CDYL2: variants seen among roughly 807,000 people sequenced by gnomAD.
CDYL2 encodes chromodomain Y-like protein 2.
A neutral mutation model predicts 49.4 loss-of-function variants in CDYL2; 23 were observed. The observed-to-expected ratio is 0.47, with a 90% CI of 0.34 to 0.66. CDYL2 has a LOEUF of 0.66. Among genes scored for constraint, CDYL2 ranks in the 30% least tolerant of loss-of-function variants. CDYL2 has a pLI of 0.01. For synonymous variants in CDYL2, 360 were observed against 268.8 expected (o/e 1.34, Z -3.32); for missense variants, 678 against 656.4 (o/e 1.03, Z -0.36).
chr16:80,739,605 G>C (rs1041618950), intron 1 of CDYL2, among the ~76,000 whole-genome samples: 1 of 152,154 alleles, frequency 6.6e-6, no homozygotes, highest in African/African-American at 2.4e-5. Flanking sequence ...CAGCACACCA[G>C]AGAGACCCTA....
At chr16:80,725,362 C>T (rs754368823) in intron 1 of CDYL2, among the ~76,000 whole-genome samples, 135 of 152,164 alleles carry the variant, frequency 8.9e-4, no homozygotes, top group Non-Finnish European at 1.8e-3. Context: ...CTTTACAACA[C>T]TTATTGCAAC....
Position 80,612,798 on chromosome 16 carries a change from A to G in CDYL2, c.1046T>C (p.Ile349Thr). 2 of 1,613,834 alleles carry G rather than the reference A, an allele frequency of 1.2e-6. No individual in the cohort carries two copies. Among genetic ancestry groups the G allele is most frequent in the South Asian group, 1.1e-5 (1 of 91,068 alleles). Reference sequence around the variant, plus strand: ...GGCCGGCCCATTGATGGCCACCACGATAGGCTTCTTAAACTGGATAAAGGC... The same window carrying G: ...GGCCGGCCCATTGATGGCCACCACGGTAGGCTTCTTAAACTGGATAAAGGC... ...VKAFIQFKKPIVVAINGPALG... is the reference protein window; with the variant it reads ...VKAFIQFKKPTVVAINGPALG... Residue 349 changes from isoleucine to threonine, a missense_variant, in exon 5 of 7, where the codon ATC (isoleucine) becomes ACC (threonine). By Grantham distance (89) the Ile-to-Thr change is moderately conservative (BLOSUM62 -1). Coordinates refer to ENST00000570137, the MANE Select transcript of CDYL2 (RefSeq NM_152342.4). This position sits in a 1 kb window ranked among gnomAD's most constrained non-coding sequence, Gnocchi z 5.0.
At chr16:80,749,433 C>T (rs1050849215) in intron 1 of CDYL2, among the ~76,000 whole-genome samples, 2 of 152,138 alleles carry the variant, frequency 1.3e-5, no homozygotes, top group Non-Finnish European at 2.9e-5. Context: ...TCCTAGTCCA[C>T]TAGAAATACT....
intron 1 of CDYL2, among the ~76,000 whole-genome samples, chr16:80,709,563 C>T (rs1904523293): frequency 7.5e-6 from 1 of 133,108 alleles, no homozygotes; most frequent in East Asian, 2.1e-4. Flanking sequence ...AATAAACAGA[C>T]ACACACACAC....
intron 2 of CDYL2, chr16:80,671,027 G>A: frequency 2.2e-6 from 1 of 455,708 alleles, no homozygotes; most frequent in South Asian, 1.5e-5. Flanking sequence ...GTCTAGGGTT[G>A]TGACTTTCCT....
chr16:80,685,257 G>T (rs1311692021), intron 1 of CDYL2, 128 bp from the exon 2 acceptor site: 5 of 677,936 alleles, frequency 7.4e-6, no homozygotes, highest in Non-Finnish European at 1.0e-5. Context: ...TGAGCCACGA[G>T]CCATTCAATG....
intron 1 of CDYL2, among the ~76,000 whole-genome samples, chr16:80,776,795 G>C (rs1309215158): frequency 2.6e-5 from 4 of 151,626 alleles, no homozygotes; most frequent in East Asian, 1.9e-4. Context: ...ATATATTTTA[G>C]GGATGCATAC....
At chr16:80,717,165 G>A (rs547897608) in intron 1 of CDYL2, among the ~76,000 whole-genome samples, 2 of 148,010 alleles carry the variant, frequency 1.4e-5, no homozygotes, top group Middle Eastern at 3.6e-3. Context: ...ATGGATGGAT[G>A]GATGGATGGA....
intron 1 of CDYL2, among the ~76,000 whole-genome samples, chr16:80,741,888 C>G (rs181574718): frequency 6.6e-6 from 1 of 152,300 alleles, no homozygotes; most frequent in East Asian, 1.9e-4. Flanking sequence ...CCATGAAAAA[C>G]CTTTGAAAGA....
At chr16:80,652,488 C>T (rs963490945) in intron 2 of CDYL2, among the ~76,000 whole-genome samples, 5 of 152,172 alleles carry the variant, frequency 3.3e-5, no homozygotes, top group African/African-American at 1.2e-4. Flanking sequence ...ATCTTCCATG[C>T]AGAAGAATTC....
Position 80,603,700 on chromosome 16 carries a change from T to C in CDYL2, c.*688A>G, listed in dbSNP as rs1906197638. 1 of 152,646 alleles carries C rather than the reference T, an allele frequency of 6.6e-6. No homozygotes were observed. The highest frequency in any genetic ancestry group is 1.5e-5 in the Non-Finnish European group (1 of 68,038). The allele number at this position is 152,646 out of a possible 1,614,324, so 9.5% of individuals were successfully genotyped here. A position where few individuals can be genotyped will look rare whatever the true frequency, so the allele number is the denominator to read the frequency against. On this transcript the variant is annotated 3_prime_UTR_variant, in exon 7 of 7. Coordinates refer to ENST00000570137, the MANE Select transcript of CDYL2 (RefSeq NM_152342.4). ...AACAAGTCCAAGGAAAGAAAAAACA[T>C]TTCCCTAGTAGTTTGTTTTTGCAAA... is the stretch of plus-strand genomic sequence containing the variant.
At chr16:80,656,810 G>A (rs1002240616) in intron 2 of CDYL2, among the ~76,000 whole-genome samples, 1 of 152,170 alleles carries the variant, frequency 6.6e-6, no homozygotes, top group African/African-American at 2.4e-5. Flanking sequence ...TCAGTGGGGT[G>A]GGAGAGGGGA....
chr16:80,791,606 T>C (rs1376913000), intron 1 of CDYL2, among the ~76,000 whole-genome samples: 6 of 151,816 alleles, frequency 4.0e-5, no homozygotes, highest in African/African-American at 2.4e-5. Flanking sequence ...CTGAAGTGAG[T>C]AGGAATTAAA....
intron 3 of CDYL2, among the ~76,000 whole-genome samples, chr16:80,624,964 T>A (rs913382154): frequency 5.9e-5 from 9 of 152,112 alleles, no homozygotes; most frequent in Non-Finnish European, 1.3e-4. Flanking sequence ...GATTTAAAAT[T>A]GGTGCTGTAG....
At chr16:80,739,864 C>T (rs1567591046) in intron 1 of CDYL2, among the ~76,000 whole-genome samples, 1 of 152,174 alleles carries the variant, frequency 6.6e-6, no homozygotes, top group African/African-American at 2.4e-5. Context: ...AATTACAGCC[C>T]AATTACCTGA....
At chr16:80,673,546 CA>C (rs1484953168) in intron 2 of CDYL2, among the ~76,000 whole-genome samples, 1 of 152,112 alleles carries the variant, frequency 6.6e-6, no homozygotes, top group Non-Finnish European at 1.5e-5. Context: ...CACAGATGTG[CA>C]AGTGCACTTA....
At chr16:80,731,079 AT>A (rs1905310429) in intron 1 of CDYL2, among the ~76,000 whole-genome samples, 1 of 152,216 alleles carries the variant, frequency 6.6e-6, no homozygotes, top group Non-Finnish European at 1.5e-5. Flanking sequence ...ATCAAATGTT[AT>A]GCTTTAAATA....
intron 2 of CDYL2, among the ~76,000 whole-genome samples, chr16:80,649,758 A>T (rs1908506092): frequency 6.6e-6 from 1 of 152,196 alleles, no homozygotes; most frequent in African/African-American, 2.4e-5. Context: ...GTACTGGCAT[A>T]AAAACAGATA....
At chr16:80,762,909 G>A (rs983486684) in intron 1 of CDYL2, among the ~76,000 whole-genome samples, 1 of 152,180 alleles carries the variant, frequency 6.6e-6, no homozygotes, top group African/African-American at 2.4e-5. Flanking sequence ...ATGAGCTACA[G>A]TACTGCTGGC....
Sources: allele counts gnomAD v4.1 joint callset (sites outside exome capture counted in the v4.1 genomes callset), GRCh38; gene constraint gnomAD v4.1.1; non-coding constraint Gnocchi (gnomAD v3.1); transcripts MANE v1.5; gene names NCBI Gene and HGNC (gene_info 2026-07-23, HGNC 2026-07-21).